Variants in FCHSD2 observed in about 807,000 individuals in gnomAD.
The protein encoded by FCHSD2 is FCH and double SH3 domains 2, also known as F-BAR and double SH3 domains protein 2.
In FCHSD2, 38 loss-of-function variants were observed where a neutral mutation model predicts 108.1. The observed-to-expected ratio is 0.35, with a 90% CI of 0.27 to 0.46. FCHSD2 has a LOEUF of 0.46. FCHSD2 is among the 20% of genes least tolerant of loss of function. The probability of loss-of-function intolerance (pLI) is 1.00; values close to 1 mark genes in which losing one functional copy is unlikely to be tolerated. For synonymous variants in FCHSD2, 279 were observed against 314.7 expected (o/e 0.89, Z 1.20); for missense variants, 751 against 897.8 (o/e 0.84, Z 2.09).
intron 13 of FCHSD2, among the ~76,000 whole-genome samples, chr11:72,865,590 C>A (rs112763936): frequency 6.6e-6 from 1 of 151,588 alleles, no homozygotes; most frequent in African/African-American, 2.4e-5. Context: ...TCCTTCACAA[C>A]GAGAACAGCC....
intron 8 of FCHSD2, among the ~76,000 whole-genome samples, chr11:72,961,195 T>A (rs1197704634): frequency 6.6e-6 from 1 of 152,156 alleles, no homozygotes; most frequent in East Asian, 1.9e-4. Flanking sequence ...TCCAGGTGTT[T>A]CTAGGTCATT....
intron 8 of FCHSD2, among the ~76,000 whole-genome samples, chr11:72,927,432 A>G (rs186467771): frequency 7.7e-4 from 118 of 152,290 alleles, no homozygotes; most frequent in African/African-American, 2.6e-3. Flanking sequence ...AATTGCAACA[A>G]ATGTGCCACT....
At chr11:72,897,112 C>A (rs913740816) in intron 10 of FCHSD2, among the ~76,000 whole-genome samples, 1 of 151,732 alleles carries the variant, frequency 6.6e-6, no homozygotes, top group Non-Finnish European at 1.5e-5. Flanking sequence ...GGATTACAGG[C>A]GTGAGCCACC....
At chr11:72,878,675 T>C (rs544332923) in intron 12 of FCHSD2, among the ~76,000 whole-genome samples, 17 of 152,316 alleles carry the variant, frequency 1.1e-4, no homozygotes, top group Middle Eastern at 3.4e-3. Context: ...ATTGATAATA[T>C]ACTAAATAGA....
rs529098976 is a variant in FCHSD2 at position 72,864,238 on chromosome 11, T to C, written c.1308+3627A>G. Among the ~76,000 whole-genome samples, 317 of 152,222 alleles carry C rather than the reference T, an allele frequency of 2.1e-3. 1 individual carries two copies. Among genetic ancestry groups the C allele is most frequent in the African/African-American group, 7.4e-3 (307 of 41,536 alleles). On this transcript the variant is annotated intron_variant, in intron 13 of 19. Coordinates refer to ENST00000409418, the MANE Select transcript of FCHSD2 (RefSeq NM_014824.3). ...AAGCAATAAAAGAACAGGGTGGGCA[T>C]AGTGGCTCATAAATAAAAGATTAGA...
intron 2 of FCHSD2, among the ~76,000 whole-genome samples, chr11:73,096,941 G>A (rs546517331): frequency 7.7e-6 from 1 of 130,048 alleles, no homozygotes; most frequent in East Asian, 2.4e-4. Flanking sequence ...AGATAATCAT[G>A]TGGTTCTGTC....
At chr11:72,968,898 A>G (rs2135382126) in intron 8 of FCHSD2, among the ~76,000 whole-genome samples, 1 of 152,304 alleles carries the variant, frequency 6.6e-6, no homozygotes, top group South Asian at 2.1e-4. Flanking sequence ...TAAATTGGTA[A>G]ACAAAACAAA....
rs76221272 is a variant in FCHSD2 at position 73,012,717 on chromosome 11, T to G, written c.242+3092A>C. On this transcript the variant is annotated intron_variant, in intron 4 of 19. Coordinates refer to ENST00000409418, the MANE Select transcript of FCHSD2 (RefSeq NM_014824.3). ...GTCATTGTATAATTCTTCATCTCTC[T>G]CCCCCTGCTTCATTCATTCAGTCAG... Among the ~76,000 whole-genome samples the G allele has an allele frequency of 5.1e-3, 770 of 152,230 alleles. 4 individuals carry two copies. The highest frequency in any genetic ancestry group is 0.01 in the Middle Eastern group (3 of 294).
At chr11:72,947,868 T>C (rs1028748272) in intron 8 of FCHSD2, among the ~76,000 whole-genome samples, 5 of 152,222 alleles carry the variant, frequency 3.3e-5, no homozygotes, top group African/African-American at 4.8e-5. Flanking sequence ...AATTCAAGAC[T>C]ATATTTTACA....
chr11:72,906,821 C>A (rs548729084), intron 9 of FCHSD2, among the ~76,000 whole-genome samples: 5 of 152,224 alleles, frequency 3.3e-5, no homozygotes, highest in Admixed American at 6.5e-5. Context: ...GTTTTGGTTA[C>A]TGTAGCCTTG....
At chr11:72,846,646 C>G (rs1222160121) in intron 14 of FCHSD2, among the ~76,000 whole-genome samples, 6 of 152,162 alleles carry the variant, frequency 3.9e-5, no homozygotes, top group Non-Finnish European at 8.8e-5. Flanking sequence ...ATTAAATACA[C>G]ACATACTCTC....
chr11:72,973,407 A>G (rs1054100774), intron 8 of FCHSD2, among the ~76,000 whole-genome samples: 10 of 152,136 alleles, frequency 6.6e-5, no homozygotes, highest in African/African-American at 2.4e-4. Context: ...GAAAATGGGT[A>G]AGTTATTTAT....
chr11:73,009,040 TA>T (rs879944961), intron 4 of FCHSD2, among the ~76,000 whole-genome samples: 273 of 142,364 alleles, frequency 1.9e-3, no homozygotes, highest in Middle Eastern at 3.6e-3. Context: ...TTCTCAAATT[TA>T]AAAAAAAAAA....
chr11:73,113,908 T>C (rs1459026926), intron 2 of FCHSD2, among the ~76,000 whole-genome samples: 3 of 152,102 alleles, frequency 2.0e-5, no homozygotes, highest in Non-Finnish European at 4.4e-5. Context: ...AGGCAGAGAT[T>C]CTTGTTCTCT....
chr11:73,124,965 C>T (rs1860820002), intron 2 of FCHSD2, among the ~76,000 whole-genome samples: 1 of 152,164 alleles, frequency 6.6e-6, no homozygotes, highest in Admixed American at 6.5e-5. Context: ...TAAGTAAGAG[C>T]TAACTTCTCA....
chr11:73,010,811 A>G (rs1050897907), intron 4 of FCHSD2, among the ~76,000 whole-genome samples: 1 of 152,204 alleles, frequency 6.6e-6, no homozygotes, highest in African/African-American at 2.4e-5. Context: ...CAGGTGGGCC[A>G]ATTCTTGGCC....
chr11:72,970,655 T>C (rs1856990275), intron 8 of FCHSD2, among the ~76,000 whole-genome samples: 1 of 152,140 alleles, frequency 6.6e-6, no homozygotes, highest in African/African-American at 2.4e-5. Context: ...TCCATCCCTG[T>C]GAAATGCCAC....
chr11:73,035,405 C>A (rs553139178), intron 3 of FCHSD2, among the ~76,000 whole-genome samples: 1 of 152,186 alleles, frequency 6.6e-6, no homozygotes, highest in African/African-American at 2.4e-5. Context: ...TAAGCTCAAG[C>A]AATCCACCCA....
intron 10 of FCHSD2, among the ~76,000 whole-genome samples, chr11:72,901,856 T>G (rs1855532428): frequency 6.6e-6 from 1 of 151,792 alleles, no homozygotes; most frequent in Non-Finnish European, 1.5e-5. Flanking sequence ...ATTTATTAAT[T>G]CTATTCTGGT....
Sources: gnomAD v4.1 joint callset for allele counts (sites outside exome capture counted in the v4.1 genomes callset) on GRCh38, gnomAD v4.1.1 for gene constraint, MANE v1.5 for transcripts, NCBI Gene and HGNC (gene_info 2026-07-23, HGNC 2026-07-21) for gene names.